The following FZD3 variants were observed in gnomAD, a reference collection of about 807,000 sequenced individuals.
FZD3 encodes frizzled-3.
Under a neutral mutation model 60.7 loss-of-function variants are expected in FZD3, and 30 were observed. The ratio of observed to expected loss-of-function variants is 0.49; its 90% confidence interval spans 0.37 to 0.67. FZD3 has a LOEUF of 0.67. Among genes scored for constraint, FZD3 ranks in the 30% least tolerant of loss-of-function variants. FZD3 has a pLI of 0.00. For missense variants in FZD3, 605 were observed against 838.7 expected, an observed-to-expected ratio of 0.72 and a Z score of 3.44; for synonymous variants, 246 against 275.2, an observed-to-expected ratio of 0.89 and a Z score of 1.05.
At chr8:28,495,776 A>G (rs1803827703) in intron 1 of FZD3, among the ~76,000 whole-genome samples, 1 of 152,214 alleles carries the variant, frequency 6.6e-6, no homozygotes, top group Non-Finnish European at 1.5e-5. Context: ...TAAGAGCTTG[A>G]CTGGGTGGGG....
Position 28,564,308 on chromosome 8 carries a change from G to A in FZD3, c.*1297G>A, listed in dbSNP as rs372688605. On this transcript the variant is annotated 3_prime_UTR_variant, in exon 8 of 8. Transcript: ENST00000240093. ...AATCAGAAGAGAAAGAAAAATGCTG[G>A]AACATGCTTGATGTATTATGTAAAA... 1 of 151,936 alleles carries A rather than the reference G, an allele frequency of 6.6e-6. No individual in the cohort carries two copies. Among genetic ancestry groups the A allele is most frequent in the African/African-American group, 2.4e-5 (1 of 41,350 alleles). The allele number at this position is 151,936 out of a possible 1,614,324, so 9.4% of individuals were successfully genotyped here. A position where few individuals can be genotyped will look rare whatever the true frequency, so the allele number is the denominator to read the frequency against.
Position 28,507,684 on chromosome 8 carries a change from G to A in FZD3, c.189+4482G>A, listed in dbSNP as rs117381225. Among the ~76,000 whole-genome samples the A allele has an allele frequency of 2.4e-3, 358 of 151,668 alleles. 4 individuals carry two copies. The highest frequency in any genetic ancestry group is 3.9e-3 in the Non-Finnish European group (268 of 67,940). The stretch of plus-strand genomic sequence containing the variant: ...AGGATAAGTGCTTGCATGTTCCCCC[G>A]TTATTAGTTTTTAGAATAATTAGTT... On this transcript the variant is annotated intron_variant, in intron 3 of 7. Coordinates refer to ENST00000240093, the MANE Select transcript of FZD3 (RefSeq NM_017412.4).
At chr8:28,521,313 T>G (rs1178744003) in intron 4 of FZD3, among the ~76,000 whole-genome samples, 1 of 152,192 alleles carries the variant, frequency 6.6e-6, no homozygotes, top group African/African-American at 2.4e-5. Context: ...GTATATCGAC[T>G]ATAAGCATGT....
At chr8:28,523,974 C>T (rs1804651677) in intron 4 of FZD3, among the ~76,000 whole-genome samples, 1 of 152,120 alleles carries the variant, frequency 6.6e-6, no homozygotes, top group Non-Finnish European at 1.5e-5. Flanking sequence ...CACATCCTCT[C>T]TCTCCCTTTT....
At chr8:28,560,072 C>T (rs1337117368) in intron 7 of FZD3, among the ~76,000 whole-genome samples, 8 of 151,990 alleles carry the variant, frequency 5.3e-5, no homozygotes, top group African/African-American at 1.9e-4. Context: ...TAAGTGGGTG[C>T]CATGACAAGA....
At position 28,532,664 on chromosome 8, in the gene FZD3, T is replaced by G. The variant is rs80167127; in HGVS notation, c.1404+4500T>G. The stretch of plus-strand genomic sequence containing the variant: ...CCTGGTCTTAAGTGATCCTTCCACC[T>G]TGGCTTTCTAAAGACTGGGATTATA... On this transcript the variant is annotated intron_variant, in intron 5 of 7. Transcript: ENST00000240093. Among the ~76,000 whole-genome samples the G allele has an allele frequency of 3.4e-3, 523 of 152,164 alleles. 3 individuals are homozygous for G. The highest frequency in any genetic ancestry group is 0.012 in the African/African-American group (490 of 41,536).
intron 7 of FZD3, among the ~76,000 whole-genome samples, chr8:28,558,740 T>C (rs1805560697): frequency 6.6e-6 from 1 of 152,214 alleles, no homozygotes; most frequent in African/African-American, 2.4e-5. Context: ...CCTGGCCTTA[T>C]CCTTTCAATG....
intron 4 of FZD3, among the ~76,000 whole-genome samples, chr8:28,525,836 C>G (rs957226659): frequency 7.9e-5 from 12 of 152,034 alleles, no homozygotes; most frequent in African/African-American, 2.9e-4. Flanking sequence ...TGGGCACCAG[C>G]AGGGGAGGAA....
At chr8:28,525,179 T>A (rs1041795491) in intron 4 of FZD3, among the ~76,000 whole-genome samples, 1 of 152,200 alleles carries the variant, frequency 6.6e-6, no homozygotes, top group South Asian at 2.1e-4. Flanking sequence ...ACATGTCAAT[T>A]GAATGTCTTT....
rs1445528168 is a variant in FZD3, at chr8:28,499,985, A to G, written c.-345+7A>G. The stretch of plus-strand genomic sequence containing the variant: ...GGAGCACTTGTAACCTGAGGTAATC[A>G]TTAGAATGCATATCATTCTCCAGGA... On this transcript the variant is annotated splice_region_variant and intron_variant, in intron 2 of 7. Coordinates refer to ENST00000240093, the MANE Select transcript of FZD3 (RefSeq NM_017412.4). The G allele has an allele frequency of 6.6e-6, 1 of 152,194 alleles. No individual in the cohort carries two copies. Among genetic ancestry groups the G allele is most frequent in the Non-Finnish European group, 1.5e-5 (1 of 68,030 alleles). The allele number at this position is 152,194 out of a possible 1,614,324, so 9.4% of individuals were successfully genotyped here. A position where few individuals can be genotyped will look rare whatever the true frequency, so the allele number is the denominator to read the frequency against.
chr8:28,555,862 G>T lies in FZD3; in HGVS notation c.1678G>T (p.Ala560Ser). 1 of 1,613,864 alleles carries T rather than the reference G, an allele frequency of 6.2e-7. No individual in the cohort carries two copies. The highest frequency in any genetic ancestry group is 8.5e-7 in the Non-Finnish European group (1 of 1,179,728). ...GTSTQGTSTHASSTQLAMVDD... is the reference protein window; with the variant it reads ...GTSTQGTSTHSSSTQLAMVDD... ...TTCCACTCAAGGAACATCCACCCAT[G>T]CTTCTTCAACTCAGCTGGCTATGGT... is the stretch of plus-strand genomic sequence containing the variant. The change falls in exon 7 of 8, where the codon GCT becomes TCT. Residue 560 changes from alanine (A) to serine (S), a missense_variant. Ala to Ser is a moderately conservative substitution (Grantham distance 99, BLOSUM62 1). Coordinates refer to ENST00000240093, the MANE Select transcript of FZD3 (RefSeq NM_017412.4).
rs1218406247 is a variant in FZD3, at chr8:28,565,830, T to C, written c.*2819T>C. On this transcript the variant is annotated 3_prime_UTR_variant, in exon 8 of 8. Coordinates refer to ENST00000240093, the MANE Select transcript of FZD3 (RefSeq NM_017412.4). ...AACCAATCTGAATAAGTCTGGACAG[T>C]TTTCCTACCATATGTTTAACTTTGA... is the stretch of plus-strand genomic sequence containing the variant. 6.6e-6 allele frequency: 1 copy of C among 152,140 alleles called. No homozygotes were observed. The highest frequency in any genetic ancestry group is 1.5e-5 in the Non-Finnish European group (1 of 67,982). The allele number at this position is 152,140 out of a possible 1,614,324, so 9.4% of individuals were successfully genotyped here. A position where few individuals can be genotyped will look rare whatever the true frequency, so the allele number is the denominator to read the frequency against.
chr8:28,529,107 A>G (rs1480189287), intron 5 of FZD3, among the ~76,000 whole-genome samples: 6 of 151,892 alleles, frequency 4.0e-5, no homozygotes, highest in Admixed American at 2.6e-4. Flanking sequence ...TTTTTAAGAG[A>G]TGGGGTTTCA....
At chr8:28,524,780 A>G (rs1034400009) in intron 4 of FZD3, among the ~76,000 whole-genome samples, 3 of 152,186 alleles carry the variant, frequency 2.0e-5, no homozygotes, top group African/African-American at 7.2e-5. Context: ...CAAAACCTGC[A>G]TATATCCAGC....
chr8:28,517,404 T>G (rs1300824810), intron 3 of FZD3, among the ~76,000 whole-genome samples: 1 of 152,244 alleles, frequency 6.6e-6, no homozygotes, highest in Non-Finnish European at 1.5e-5. Context: ...TACGCCTAGC[T>G]GAGGTTTTCT....
intron 5 of FZD3, among the ~76,000 whole-genome samples, chr8:28,531,651 T>C (rs1004000217): frequency 4.6e-5 from 7 of 152,188 alleles, no homozygotes; most frequent in African/African-American, 1.7e-4. Context: ...TGAAATAATA[T>C]CTCAATTCTG....
At chr8:28,506,460 ATTC>A (rs1804143122) in intron 3 of FZD3, among the ~76,000 whole-genome samples, 1 of 152,186 alleles carries the variant, frequency 6.6e-6, no homozygotes, top group African/African-American at 2.4e-5. Context: ...AATACAGAGC[ATTC>A]TTCTTTGTTG....
At chr8:28,500,074 G>A (rs1162118944) in intron 2 of FZD3, 96 bp downstream of exon 2, 2 of 152,064 alleles carry the variant, frequency 1.3e-5, no homozygotes, top group African/African-American at 2.4e-5. Context: ...GCTGTTTTGG[G>A]GGAAATGAAA....
chr8:28,533,493 T>G (rs1804931819), intron 5 of FZD3, among the ~76,000 whole-genome samples: 1 of 152,254 alleles, frequency 6.6e-6, no homozygotes, highest in African/African-American at 2.4e-5. Flanking sequence ...ATAGTTACTT[T>G]AAATTTAACC....
Sources: allele counts gnomAD v4.1 joint callset (sites outside exome capture counted in the v4.1 genomes callset), GRCh38; gene constraint gnomAD v4.1.1; transcripts MANE v1.5; gene names NCBI Gene and HGNC (gene_info 2026-07-23, HGNC 2026-07-21).